Variants in CRADD observed in about 807,000 individuals in gnomAD.
The protein encoded by CRADD is CARD and death domain containing adaptor protein, also known as death domain-containing protein CRADD.
In CRADD, 9 loss-of-function variants were observed where a neutral mutation model predicts 15.5. The observed-to-expected ratio is 0.58, with a 90% CI of 0.35 to 1.01. The LOEUF is 1.01. CRADD is among the 50% of genes least tolerant of loss of function. CRADD has a pLI of 0.02. For missense variants in CRADD, 227 were observed against 250.3 expected (o/e 0.91, Z 0.63); for synonymous variants, 118 against 107.6 (o/e 1.10, Z -0.60).
At chr12:93,678,554 A>T (rs1388505838) in intron 1 of CRADD, among the ~76,000 whole-genome samples, 1 of 152,208 alleles carries the variant, frequency 6.6e-6, no homozygotes, top group Non-Finnish European at 1.5e-5. Context: ...AAGCAGAAAC[A>T]GAAAAGATGA....
chr12:93,704,785 C>T (rs898501554), intron 2 of CRADD, among the ~76,000 whole-genome samples: 1 of 152,198 alleles, frequency 6.6e-6, no homozygotes, highest in African/African-American at 2.4e-5. Context: ...CTACCATTCC[C>T]TGCCTTCTCC....
At chr12:93,699,459 A>G (rs1955788360) in intron 2 of CRADD, among the ~76,000 whole-genome samples, 1 of 152,260 alleles carries the variant, frequency 6.6e-6, no homozygotes, top group African/African-American at 2.4e-5. Flanking sequence ...AAGTATTGGC[A>G]TGATGAGATA....
intron 2 of CRADD, among the ~76,000 whole-genome samples, chr12:93,734,956 C>T (rs1024722389): frequency 1.3e-5 from 2 of 152,190 alleles, no homozygotes; most frequent in Non-Finnish European, 2.9e-5. Context: ...TGTGCTTTCT[C>T]ATAGCACCCT....
At chr12:93,797,058 A>G (rs1592998397) in intron 2 of CRADD, among the ~76,000 whole-genome samples, 5 of 152,192 alleles carry the variant, frequency 3.3e-5, no homozygotes, top group Admixed American at 3.3e-4. Context: ...TATCATTAGA[A>G]CATCTGGCAT....
intron 2 of CRADD, among the ~76,000 whole-genome samples, chr12:93,787,549 G>A (rs1255705778): frequency 6.6e-6 from 1 of 151,952 alleles, no homozygotes; most frequent in Non-Finnish European, 1.5e-5. Flanking sequence ...CCTTTGAAAT[G>A]TTGTTTTTTC....
At chr12:93,717,259 T>G (rs1370670569) in intron 2 of CRADD, among the ~76,000 whole-genome samples, 1 of 152,238 alleles carries the variant, frequency 6.6e-6, no homozygotes, top group East Asian at 1.9e-4. Context: ...GTTCTTTGTC[T>G]ATTTTTGGTA....
chr12:93,854,167 G>A (rs894802937), downstream of CRADD, among the ~76,000 whole-genome samples: 3 of 152,106 alleles, frequency 2.0e-5, no homozygotes, highest in Admixed American at 6.5e-5. Flanking sequence ...TTGCTCTTCC[G>A]ATCTGGGCCA....
At chr12:93,703,631 G>A (rs1955883278) in intron 2 of CRADD, among the ~76,000 whole-genome samples, 1 of 151,566 alleles carries the variant, frequency 6.6e-6, no homozygotes, top group Admixed American at 6.6e-5. Flanking sequence ...CAAAGTGCTG[G>A]GATTACAGGC....
intron 2 of CRADD, among the ~76,000 whole-genome samples, chr12:93,827,159 A>T (rs1398405580): frequency 6.6e-6 from 1 of 152,226 alleles, no homozygotes; most frequent in Non-Finnish European, 1.5e-5. Context: ...CCATTGCCAC[A>T]GTCAGAATGA....
intron 2 of CRADD, among the ~76,000 whole-genome samples, chr12:93,813,066 A>G (rs1957647498): frequency 6.6e-6 from 1 of 152,262 alleles, no homozygotes; most frequent in South Asian, 2.1e-4. Context: ...TATATCATAA[A>G]AGAATTGTAT....
chr12:93,722,320 T>C (rs1956279274), intron 2 of CRADD, among the ~76,000 whole-genome samples: 1 of 152,168 alleles, frequency 6.6e-6, no homozygotes, highest in Non-Finnish European at 1.5e-5. Flanking sequence ...CTAGGTATAG[T>C]TTTTGTTGGC....
intron 2 of CRADD, among the ~76,000 whole-genome samples, chr12:93,712,161 G>C (rs923019373): frequency 5.3e-5 from 8 of 152,124 alleles, no homozygotes; most frequent in Non-Finnish European, 7.4e-5. Flanking sequence ...CATGTATAAA[G>C]GTGGGGTTAA....
At chr12:93,884,693 A>G (rs563941570) in intron 2 of CRADD, among the ~76,000 whole-genome samples, 1 of 152,088 alleles carries the variant, frequency 6.6e-6, no homozygotes, top group Admixed American at 6.6e-5. Flanking sequence ...TGCCCAATAA[A>G]TTCCTCTCCT....
intron 2 of CRADD, among the ~76,000 whole-genome samples, chr12:93,767,049 C>A (rs1057504656): frequency 6.6e-6 from 1 of 152,172 alleles, no homozygotes; most frequent in African/African-American, 2.4e-5. Flanking sequence ...CCAACCAGAC[C>A]CTCGGGCCTT....
At chr12:93,807,712 G>C (rs1218559694) in intron 2 of CRADD, among the ~76,000 whole-genome samples, 1 of 152,098 alleles carries the variant, frequency 6.6e-6, no homozygotes, top group African/African-American at 2.4e-5. Context: ...GGCACCTCCA[G>C]CTTGGCTGGT....
At chr12:93,868,275 T>C (rs946300125) in intron 2 of CRADD, among the ~76,000 whole-genome samples, 13 of 152,214 alleles carry the variant, frequency 8.5e-5, no homozygotes, top group African/African-American at 3.1e-4. Context: ...TTTCAATTCA[T>C]GGTGCTACAG....
chr12:93,711,052 C>T (rs1448263371), intron 2 of CRADD, among the ~76,000 whole-genome samples: 25 of 94,070 alleles, frequency 2.7e-4, no homozygotes, highest in African/African-American at 5.7e-4. Flanking sequence ...CTCCCACCCC[C>T]GCCTTTTTTT....
chr12:93,749,104 G>A (rs1360503078), intron 2 of CRADD, among the ~76,000 whole-genome samples: 1 of 152,176 alleles, frequency 6.6e-6, no homozygotes, highest in Non-Finnish European at 1.5e-5. Flanking sequence ...CTGCTGTCAT[G>A]GAAACAAATG....
intron 2 of CRADD, among the ~76,000 whole-genome samples, chr12:93,719,577 G>A (rs937316134): frequency 6.6e-6 from 1 of 152,046 alleles, no homozygotes; most frequent in Non-Finnish European, 1.5e-5. Flanking sequence ...CCTGGGCTTG[G>A]TACTTTCTAT....
Sources: gnomAD v4.1 joint callset for allele counts (sites outside exome capture counted in the v4.1 genomes callset) on GRCh38, gnomAD v4.1.1 for gene constraint, MANE v1.5 for transcripts, NCBI Gene and HGNC (gene_info 2026-07-23, HGNC 2026-07-21) for gene names.